OTUD7A: variants seen among roughly 807,000 people sequenced by gnomAD.
OTUD7A encodes OTU deubiquitinase 7A.
Under a neutral mutation model 65.7 loss-of-function variants are expected in OTUD7A, and 12 were observed. The ratio of observed to expected loss-of-function variants is 0.18; its 90% confidence interval spans 0.12 to 0.30. OTUD7A has a LOEUF of 0.30. Among genes scored for constraint, OTUD7A ranks in the 10% least tolerant of loss-of-function variants. OTUD7A has a pLI of 1.00. For missense variants in OTUD7A, 1,148 were observed against 1,304.8 expected, an observed-to-expected ratio of 0.88 and a Z score of 1.85; for synonymous variants, 641 against 586.3, an observed-to-expected ratio of 1.09 and a Z score of -1.35.
At chr15:31,709,130 G>A (rs989038433) in intron 1 of OTUD7A, among the ~76,000 whole-genome samples, 1 of 151,590 alleles carries the variant, frequency 6.6e-6, no homozygotes, top group Non-Finnish European at 1.5e-5. Context: ...GAAGAGCTGT[G>A]TGCGCTCCTG....
rs145478946 is a variant in OTUD7A at position 31,582,368 on chromosome 15, A to G, written c.152-12171T>C. Among the ~76,000 whole-genome samples the G allele has an allele frequency of 5.7e-3, 867 of 152,332 alleles. 2 individuals are homozygous for G. Among genetic ancestry groups the G allele is most frequent in the Middle Eastern group, 0.017 (5 of 294 alleles). The stretch of plus-strand genomic sequence containing the variant: ...TAACCTCTGCCTGTTACCCAGTTCC[A>G]AAGTTGCTTCCACATTCTCAGGTAT... On this transcript the variant is annotated intron_variant, in intron 3 of 12. Transcript: ENST00000307050.
intron 1 of OTUD7A, among the ~76,000 whole-genome samples, chr15:31,843,885 C>T (rs530283678): frequency 4.6e-5 from 7 of 152,270 alleles, no homozygotes; most frequent in East Asian, 3.9e-4. Context: ...CTAAACCACA[C>T]GGTTTACATT....
chr15:31,722,978 T>C (rs1006869705), intron 1 of OTUD7A, among the ~76,000 whole-genome samples: 1 of 151,938 alleles, frequency 6.6e-6, no homozygotes, highest in Non-Finnish European at 1.5e-5. Context: ...AGGGAAGATG[T>C]TGCTGGCTGG....
intron 1 of OTUD7A, among the ~76,000 whole-genome samples, chr15:31,869,465 T>A (rs1482808238): frequency 6.6e-6 from 1 of 152,224 alleles, no homozygotes; most frequent in East Asian, 1.9e-4. Flanking sequence ...ATTATCTGCC[T>A]CATCATATTT....
At chr15:31,784,757 G>A (rs919481095) in intron 1 of OTUD7A, among the ~76,000 whole-genome samples, 62 of 152,086 alleles carry the variant, frequency 4.1e-4, no homozygotes, top group African/African-American at 1.4e-3. Flanking sequence ...CAAAAGCAGC[G>A]GGCTTTGTAT....
intron 9 of OTUD7A, among the ~76,000 whole-genome samples, chr15:31,502,475 G>A (rs948227959): frequency 1.2e-4 from 18 of 152,186 alleles, no homozygotes; most frequent in African/African-American, 3.9e-4. Flanking sequence ...TTTACTTTTG[G>A]CCCTAGAGTG....
chr15:31,589,463 GTTTTTT>G (rs58276599), intron 3 of OTUD7A, among the ~76,000 whole-genome samples: 1 of 116,352 alleles, frequency 8.6e-6, no homozygotes, highest in African/African-American at 3.5e-5. Context: ...TCCTGGGCTT[GTTTTTT>G]TTTTTTTTTT....
intron 1 of OTUD7A, among the ~76,000 whole-genome samples, chr15:31,839,467 T>C (rs1433253380): frequency 2.0e-5 from 3 of 152,180 alleles, no homozygotes; most frequent in African/African-American, 7.2e-5. Context: ...AACAATCTTA[T>C]TTTAAACTCT....
chr15:31,729,251 A>T (rs998418990), intron 1 of OTUD7A, among the ~76,000 whole-genome samples: 2 of 152,208 alleles, frequency 1.3e-5, no homozygotes, highest in African/African-American at 4.8e-5. Context: ...TGGGGGTGTT[A>T]AGGGGTTACT....
intron 1 of OTUD7A, among the ~76,000 whole-genome samples, chr15:31,868,332 C>T (rs6494004): frequency 0.6 from 90,683 of 152,040 alleles, 27,310 homozygotes; most frequent in East Asian, 0.68. Flanking sequence ...AGTACTACAG[C>T]GAGTTAAACC....
intron 6 of OTUD7A, 104 bp downstream of exon 6, chr15:31,530,603 T>G: frequency 9.6e-7 from 1 of 1,042,724 alleles, no homozygotes; most frequent in Non-Finnish European, 1.4e-6. Flanking sequence ...GGTGACTCTA[T>G]TTAGTGTATG....
rs1005959078 is a variant in OTUD7A, at chr15:31,477,698, T to C, written c.*5596A>G. On this transcript the variant is annotated 3_prime_UTR_variant, in exon 13 of 13. Coordinates refer to ENST00000307050, the MANE Select transcript of OTUD7A (RefSeq NM_001382637.1). ...TTTCAATAAATACTTATCCAGTGCC[T>C]AATATGTGTCAGGCACTGTTGTAGG... The C allele has an allele frequency of 2.0e-5, 3 of 152,218 alleles. No individual in the cohort carries two copies. The highest frequency in any genetic ancestry group is 7.2e-5 in the African/African-American group (3 of 41,456). The allele number at this position is 152,218 out of a possible 1,614,324, so 9.4% of individuals were successfully genotyped here.
intron 1 of OTUD7A, chr15:31,767,929 T>C: frequency 3.2e-6 from 5 of 1,540,918 alleles, no homozygotes; most frequent in Non-Finnish European, 4.5e-6. Context: ...CAACATTTTC[T>C]GATCCCCACC....
chr15:31,586,007 A>T (rs1021304620), intron 3 of OTUD7A, among the ~76,000 whole-genome samples: 20 of 152,244 alleles, frequency 1.3e-4, no homozygotes, highest in Non-Finnish European at 1.5e-5. Flanking sequence ...TTAAAATAGA[A>T]GAAAGGCAGG....
At chr15:31,754,679 T>G (rs1332179868) in intron 1 of OTUD7A, among the ~76,000 whole-genome samples, 1 of 151,984 alleles carries the variant, frequency 6.6e-6, no homozygotes, top group African/African-American at 2.4e-5. Context: ...TATTTCGGTT[T>G]ATTTCTGGGT....
intron 1 of OTUD7A, among the ~76,000 whole-genome samples, chr15:31,676,940 T>C (rs1892607140): frequency 6.6e-6 from 1 of 152,262 alleles, no homozygotes; most frequent in East Asian, 1.9e-4. Context: ...AATACATTTA[T>C]GACCTTGCGG....
At chr15:31,701,115 T>A (rs1893203766) in intron 1 of OTUD7A, among the ~76,000 whole-genome samples, 1 of 152,194 alleles carries the variant, frequency 6.6e-6, no homozygotes, top group Non-Finnish European at 1.5e-5. Context: ...TCAGGAACTG[T>A]CGCAGATTAA....
intron 1 of OTUD7A, among the ~76,000 whole-genome samples, chr15:31,843,928 G>A (rs1435407803): frequency 1.3e-5 from 2 of 152,164 alleles, no homozygotes; most frequent in African/African-American, 4.8e-5. Flanking sequence ...TTCGCACTGT[G>A]AGGACCACCC....
intron 1 of OTUD7A, among the ~76,000 whole-genome samples, chr15:31,787,287 C>A (rs766245472): frequency 6.6e-6 from 1 of 152,140 alleles, no homozygotes; most frequent in African/African-American, 2.4e-5. Flanking sequence ...TAATTGGTTA[C>A]CTTGGAATTT....
Sources: gnomAD v4.1 joint callset for allele counts (sites outside exome capture counted in the v4.1 genomes callset) on GRCh38, gnomAD v4.1.1 for gene constraint, MANE v1.5 for transcripts, NCBI Gene and HGNC (gene_info 2026-07-23, HGNC 2026-07-21) for gene names.